The following RYR2 variants were observed in gnomAD, a reference collection of about 807,000 sequenced individuals.
RYR2 encodes ryanodine receptor 2, also known as cardiac muscle ryanodine receptor-calcium release channel.
A neutral mutation model predicts 601.1 loss-of-function variants in RYR2; 227 were observed. That is an observed-to-expected ratio of 0.38 (90% CI 0.34 to 0.42). The LOEUF (loss-of-function observed/expected upper bound fraction) is 0.42. RYR2 is among the 10% of genes least tolerant of loss of function. The pLI is 1.00. For missense variants in RYR2, 4,646 were observed against 6,156.5 expected (o/e 0.75, Z 8.21); for synonymous variants, 2,223 against 2,175.1 (o/e 1.02, Z -0.61).
intron 2 of RYR2, among the ~76,000 whole-genome samples, chr1:237,297,974 G>T (rs933621781): frequency 2.1e-5 from 3 of 143,592 alleles, no homozygotes; most frequent in African/African-American, 7.7e-5. Flanking sequence ...TGCCTAGGCT[G>T]GTCCTGAACA....
chr1:237,776,845 T>C (rs547047036), intron 87 of RYR2, among the ~76,000 whole-genome samples: 1 of 152,294 alleles, frequency 6.6e-6, no homozygotes, highest in Non-Finnish European at 1.5e-5. Flanking sequence ...CTCTTAGTCC[T>C]CCAGTGCCTG....
At chr1:237,391,439 C>T (rs986861010) in intron 10 of RYR2, among the ~76,000 whole-genome samples, 4 of 152,082 alleles carry the variant, frequency 2.6e-5, no homozygotes, top group Non-Finnish European at 4.4e-5. Context: ...TGGCTATACT[C>T]ATTAATTGTA....
At chr1:237,134,074 A>G (rs1399440910) in intron 1 of RYR2, among the ~76,000 whole-genome samples, 1 of 152,094 alleles carries the variant, frequency 6.6e-6, no homozygotes, top group African/African-American at 2.4e-5. Context: ...TGACTTCTGA[A>G]TGATTCACCG....
At chr1:237,332,830 A>G (rs1311947107) in intron 3 of RYR2, among the ~76,000 whole-genome samples, 1 of 152,184 alleles carries the variant, frequency 6.6e-6, no homozygotes, top group South Asian at 2.1e-4. Context: ...TATAGGAAGT[A>G]ATTTGAAATA....
At chr1:237,430,949 G>T (rs768915710) in intron 12 of RYR2, among the ~76,000 whole-genome samples, 38 of 152,166 alleles carry the variant, frequency 2.5e-4, no homozygotes, top group Non-Finnish European at 5.0e-4. Flanking sequence ...TTTGGCAATT[G>T]TGTAATGTCA....
At position 237,657,824 on chromosome 1, in the gene RYR2, C is replaced by T. The variant is rs1683401176; in HGVS notation, c.8130-120C>T. 15 of 540,256 alleles carry T rather than the reference C, an allele frequency of 2.8e-5. No individual in the cohort carries two copies. In the East Asian group the frequency reaches 4.3e-4, roughly 15 times the overall value. 33.5% of individuals were successfully genotyped at this position (540,256 alleles called of 1,614,324 possible). ...AAAATGTAATTCTAAAAAAAGAAGT[C>T]GTGTTTAACAGTTAAAATTGAATGA... is the stretch of plus-strand genomic sequence containing the variant. On this transcript the variant is annotated intron_variant, in intron 53 of 104. Transcript: ENST00000366574.
chr1:237,789,847 G>C (rs1005930821), intron 92 of RYR2, among the ~76,000 whole-genome samples: 4 of 152,204 alleles, frequency 2.6e-5, no homozygotes, highest in Non-Finnish European at 4.4e-5. Context: ...TTTCCCCTAA[G>C]TGAGAGCTCA....
intron 1 of RYR2, among the ~76,000 whole-genome samples, chr1:237,237,291 T>C (rs1162076130): frequency 1.3e-5 from 2 of 152,220 alleles, no homozygotes; most frequent in Non-Finnish European, 2.9e-5. Context: ...ATAGTATCTG[T>C]TATTTACTAC....
At chr1:237,208,063 C>T (rs1032976696) in intron 1 of RYR2, among the ~76,000 whole-genome samples, 3 of 152,168 alleles carry the variant, frequency 2.0e-5, no homozygotes, top group East Asian at 1.9e-4. Flanking sequence ...GGTTGACCAG[C>T]GGGAGTTGTG....
chr1:237,455,576 AG>A (rs1448990689), intron 15 of RYR2, among the ~76,000 whole-genome samples: 1 of 152,200 alleles, frequency 6.6e-6, no homozygotes, highest in East Asian at 1.9e-4. Context: ...CTAAAATAAA[AG>A]TTGTGACACA....
intron 2 of RYR2, among the ~76,000 whole-genome samples, chr1:237,300,592 C>G (rs1313428016): frequency 6.6e-6 from 1 of 152,138 alleles, no homozygotes; most frequent in Non-Finnish European, 1.5e-5. Context: ...TACTTGCTGA[C>G]TTTCATGAGT....
intron 36 of RYR2, among the ~76,000 whole-genome samples, chr1:237,611,972 G>A (rs1447451527): frequency 6.6e-6 from 1 of 151,968 alleles, no homozygotes; most frequent in South Asian, 2.1e-4. Context: ...ACTTGTACAT[G>A]AATATTCATA....
chr1:237,704,923 A>G (rs1688247429), intron 66 of RYR2, among the ~76,000 whole-genome samples: 1 of 152,202 alleles, frequency 6.6e-6, no homozygotes, highest in African/African-American at 2.4e-5. Context: ...TCACTAATTG[A>G]AACAGAATTT....
rs1275942249 is a variant in RYR2 at position 237,383,160 on chromosome 1, C to A, written c.577-4121C>A. On this transcript the variant is annotated intron_variant, in intron 8 of 104. Transcript: ENST00000366574. The stretch of plus-strand genomic sequence containing the variant: ...TTGCAAATTGATAAAACTTATTGAC[C>A]TCATCATAAAAATGGTGAAGTGCAT... Among the ~76,000 whole-genome samples, 3 of 151,918 alleles carry A rather than the reference C, an allele frequency of 2.0e-5. No individual in the cohort carries two copies. In the East Asian group the frequency reaches 5.8e-4, roughly 29 times the overall value.
At chr1:237,158,074 T>G (rs1026425038) in intron 1 of RYR2, among the ~76,000 whole-genome samples, 1 of 152,232 alleles carries the variant, frequency 6.6e-6, no homozygotes, top group Non-Finnish European at 1.5e-5. Context: ...GTTTACAAAT[T>G]GCTTAAAAAA....
chr1:237,148,201 CCT>C (rs1011859042), intron 1 of RYR2, among the ~76,000 whole-genome samples: 1 of 152,028 alleles, frequency 6.6e-6, no homozygotes, highest in African/African-American at 2.4e-5. Flanking sequence ...CAGCTTTTAA[CCT>C]CTCTTTTTAA....
At chr1:237,683,332 C>T (rs1573504520) in intron 62 of RYR2, among the ~76,000 whole-genome samples, 2 of 152,150 alleles carry the variant, frequency 1.3e-5, no homozygotes, top group African/African-American at 4.8e-5. Context: ...ATATACTGAG[C>T]ATTTGCTGTA....
chr1:237,419,304 A>G (rs1205728445), intron 11 of RYR2, among the ~76,000 whole-genome samples: 1 of 149,334 alleles, frequency 6.7e-6, no homozygotes, highest in African/African-American at 2.4e-5. Context: ...TTTTGGTTAA[A>G]AAAAAAACAT....
At chr1:237,651,220 A>G (rs114538805) in intron 50 of RYR2, among the ~76,000 whole-genome samples, 191 bp from the exon 51 acceptor site, 278 of 152,344 alleles carry the variant, frequency 1.8e-3, no homozygotes, top group African/African-American at 6.4e-3. Flanking sequence ...GATAGAGATA[A>G]GTTGGGAAAT....
Sources: allele counts gnomAD v4.1 joint callset (sites outside exome capture counted in the v4.1 genomes callset), GRCh38; gene constraint gnomAD v4.1.1; transcripts MANE v1.5; gene names NCBI Gene and HGNC (gene_info 2026-07-23, HGNC 2026-07-21).